ATP11C: variants seen among roughly 807,000 people sequenced by gnomAD.
ATP11C encodes the protein ATPase phospholipid transporting 11C (ATP11C blood group).
A neutral mutation model predicts 97.4 loss-of-function variants in ATP11C; 36 were observed. That is an observed-to-expected ratio of 0.37 (90% CI 0.28 to 0.49). The LOEUF (loss-of-function observed/expected upper bound fraction) is 0.49. ATP11C is among the 20% of genes least tolerant of loss of function. The probability of loss-of-function intolerance (pLI) is 0.98; values close to 1 mark genes in which losing one functional copy is unlikely to be tolerated. For missense variants in ATP11C, 730 were observed against 824.6 expected (o/e 0.89, Z 1.40); for synonymous variants, 275 against 290.9 (o/e 0.95, Z 0.56).
chrX:139,777,566 A>G (rs1202142856), intron 18 of ATP11C, among the ~76,000 whole-genome samples: 1 of 111,425 alleles, frequency 9.0e-6, no homozygotes, highest in Non-Finnish European at 1.9e-5. Flanking sequence ...TTCTGAGAGA[A>G]AAGAAGAAAA....
intron 1 of ATP11C, among the ~76,000 whole-genome samples, chrX:139,840,847 T>C (rs1226931689): frequency 9.3e-6 from 1 of 107,551 alleles, no homozygotes; most frequent in Non-Finnish European, 1.9e-5. Flanking sequence ...TAAAGTCTCA[T>C]ACAAAAAAAA....
chrX:139,731,595 T>A, intron 29 of ATP11C, 56 bp downstream of exon 29: 1 of 751,120 alleles, frequency 1.3e-6, no homozygotes, highest in Non-Finnish European at 1.9e-6. Context: ...ATTTTTTCTT[T>A]ATAATGCTGT....
intron 1 of ATP11C, among the ~76,000 whole-genome samples, chrX:139,887,022 A>T (rs943415896): frequency 8.9e-6 from 1 of 112,114 alleles, no homozygotes; most frequent in African/African-American, 3.2e-5. Context: ...AACAAAATAA[A>T]AATTCCAGAA....
intron 1 of ATP11C, among the ~76,000 whole-genome samples, chrX:139,862,073 A>T (rs973318209): frequency 1.8e-5 from 2 of 111,549 alleles, no homozygotes; most frequent in African/African-American, 6.5e-5. Context: ...CTTTTTGTCC[A>T]ATCACATTTC....
intron 28 of ATP11C, chrX:139,732,632 A>G (rs889351022): frequency 2.8e-5 from 6 of 214,330 alleles, no homozygotes; most frequent in Non-Finnish European, 3.6e-5. Context: ...AAGACATTTA[A>G]AAAGAAAACT....
intron 21 of ATP11C, 52 bp downstream of exon 21, chrX:139,763,263 TA>T: frequency 1.0e-6 from 1 of 991,840 alleles, no homozygotes; most frequent in Non-Finnish European, 1.4e-6. Context: ...CCACACTACC[TA>T]AAAGCAATAC....
intron 5 of ATP11C, among the ~76,000 whole-genome samples, chrX:139,805,800 T>C (rs1029830765): frequency 5.4e-5 from 6 of 112,145 alleles, no homozygotes; most frequent in Admixed American, 3.8e-4. Context: ...CAGATAAAGA[T>C]GAGGATTTCA....
chrX:139,909,078 G>C (rs993749401), intron 1 of ATP11C, among the ~76,000 whole-genome samples: 1 of 111,747 alleles, frequency 8.9e-6, no homozygotes, highest in African/African-American at 3.3e-5. Flanking sequence ...AACAATCTGG[G>C]GGTACTCAGT....
At chrX:139,894,309 G>A in intron 1 of ATP11C, among the ~76,000 whole-genome samples, 1 of 112,196 alleles carries the variant, frequency 8.9e-6, no homozygotes, top group Non-Finnish European at 1.9e-5. Context: ...ACAATCTTTT[G>A]TATTTATATT....
At chrX:139,765,588 GAGA>G (rs1234509528) in intron 20 of ATP11C, among the ~76,000 whole-genome samples, 3 of 112,032 alleles carry the variant, frequency 2.7e-5, no homozygotes, top group Non-Finnish European at 3.8e-5. Flanking sequence ...TCGCATAGAT[GAGA>G]AAGAAAGAAA....
In ATP11C at chrX:139,822,839, CTT is replaced by C. The variant is rs763119055; in HGVS notation, c.148-3414_148-3413del. ...AGGTGTGAGCCACTGCACCGGGCCT[CTT>C]TTATACTATCTTTAAGTACAACTAT... On this transcript the variant is annotated intron_variant, in intron 2 of 29. Coordinates refer to ENST00000682941, the MANE Select transcript of ATP11C (RefSeq NM_001353812.2). Among the ~76,000 whole-genome samples the C allele has an allele frequency of 2.6e-4, 29 of 110,437 alleles. 1 individual carries two copies. The highest frequency in any genetic ancestry group is 2.4e-3 in the Admixed American group (25 of 10,456).
chrX:139,822,395 T>G (rs183527853), intron 2 of ATP11C, among the ~76,000 whole-genome samples: 8 of 98,507 alleles, frequency 8.1e-5, no homozygotes, highest in Admixed American at 2.2e-4. Flanking sequence ...GTTTTTTGGG[T>G]TTTTTTTGTT....
chrX:139,907,601 A>G (rs1239813504), intron 1 of ATP11C, among the ~76,000 whole-genome samples: 3 of 109,835 alleles, frequency 2.7e-5, no homozygotes, highest in Non-Finnish European at 3.8e-5. Context: ...ACAAAAAATT[A>G]GCCGGGCATG....
At chrX:139,815,541 C>T (rs1310282029) in intron 4 of ATP11C, among the ~76,000 whole-genome samples, 6 of 111,554 alleles carry the variant, frequency 5.4e-5, no homozygotes, top group Non-Finnish European at 1.1e-4. Context: ...TTTCAACTGA[C>T]TTGGTGACAA....
chrX:139,842,487 T>C (rs916392426), intron 1 of ATP11C, among the ~76,000 whole-genome samples: 1 of 112,627 alleles, frequency 8.9e-6, no homozygotes, highest in African/African-American at 3.2e-5. Flanking sequence ...ATTCTACCTC[T>C]CACTGACCTC....
rs141976073 is a variant in ATP11C, at chrX:139,858,475, C to A, written c.28-31652G>T. ...ACATGTTCTCCCTGGGTTTCCTAAT[C>A]CACATGTGTGGCTTTAATTACCATC... On this transcript the variant is annotated intron_variant, in intron 1 of 29. Transcript: ENST00000682941. Among the ~76,000 whole-genome samples the A allele has an allele frequency of 3.1e-3, 351 of 111,915 alleles. 1 individual carries two copies. Among genetic ancestry groups the A allele is most frequent in the African/African-American group, 0.011 (340 of 30,824 alleles).
intron 1 of ATP11C, among the ~76,000 whole-genome samples, chrX:139,896,372 C>T (rs1477847876): frequency 2.7e-5 from 3 of 110,795 alleles, no homozygotes; most frequent in African/African-American, 9.8e-5. Flanking sequence ...TTCCTCTAAA[C>T]TGTCAGTCAC....
chrX:139,905,792 T>C (rs1019621872), intron 1 of ATP11C, among the ~76,000 whole-genome samples: 5 of 111,520 alleles, frequency 4.5e-5, no homozygotes, highest in African/African-American at 1.6e-4. Flanking sequence ...CCTGCTGTAA[T>C]TGGAAAGGCT....
At chrX:139,741,152 G>T in intron 26 of ATP11C, 58 bp from the exon 27 acceptor site, 1 of 722,897 alleles carries the variant, frequency 1.4e-6, no homozygotes, top group Non-Finnish European at 2.2e-6. Context: ...CAGGCAATAC[G>T]CTATAGTATC....
Sources: allele counts gnomAD v4.1 joint callset (sites outside exome capture counted in the v4.1 genomes callset), GRCh38; gene constraint gnomAD v4.1.1; transcripts MANE v1.5; gene names NCBI Gene and HGNC (gene_info 2026-07-23, HGNC 2026-07-21).